The following LRP3 variants were observed in gnomAD, a reference collection of about 807,000 sequenced individuals.
LRP3 encodes the protein LDL receptor related protein 3.
In LRP3, 49 loss-of-function variants were observed where a neutral mutation model predicts 58.5. The observed-to-expected ratio is 0.84, with a 90% CI of 0.67 to 1.06. The LOEUF (loss-of-function observed/expected upper bound fraction) is 1.06, where lower values mean the gene tolerates loss of function less well. Among genes scored for constraint, LRP3 ranks in the 50% least tolerant of loss-of-function variants. The probability of loss-of-function intolerance (pLI) is 0.00; values close to 1 mark genes in which losing one functional copy is unlikely to be tolerated. For missense variants in LRP3, 1,019 were observed against 1,134.2 expected, an observed-to-expected ratio of 0.90 and a Z score of 1.46; for synonymous variants, 485 against 492.2, an observed-to-expected ratio of 0.99 and a Z score of 0.20.
chr19:33,208,747 TA>T lies in LRP3; in HGVS notation c.*1173del. The T allele has an allele frequency of 2.0e-6, 2 of 1,010,954 alleles. No individual in the cohort carries two copies. The highest frequency in any genetic ancestry group is 2.8e-6 in the Non-Finnish European group (2 of 707,674). The allele number at this position is 1,010,954 out of a possible 1,614,324, so 62.6% of individuals were successfully genotyped here. On this transcript the variant is annotated 3_prime_UTR_variant, in exon 7 of 7. Transcript: ENST00000253193. This position sits in a 1 kb window ranked among gnomAD's most constrained non-coding sequence, Gnocchi z 4.7. ...AAGACAGGAAACCCAGTCCACATTT[TA>T]GGGCTTCCTTAAACAGGCTTCTGAG... is the stretch of plus-strand genomic sequence containing the variant.
intron 3 of LRP3, 24 bp from the exon 4 acceptor site, chr19:33,204,614 T>C (rs1396713145): frequency 6.4e-7 from 1 of 1,558,578 alleles, no homozygotes; most frequent in East Asian, 2.2e-5. Context: ...GCCTCATGTC[T>C]GGGTCCTCTC....
In LRP3 at chr19:33,207,756, G is replaced by GC. The variant is rs1383027392; in HGVS notation, c.*181_*182insC. 3.3e-6 allele frequency: 2 copies of GC among 598,812 alleles called. No homozygotes were observed. Among genetic ancestry groups the GC allele is most frequent in the Admixed American group, 6.0e-5 (2 of 33,108 alleles). 37.1% of individuals were successfully genotyped at this position (598,812 alleles called of 1,614,324 possible). ...GGGAGCTGTGGGACTGAACGGCGGGGGGGAGAAGAGTGGAGTGGTGAGCCC... is the reference window on the plus strand; with the variant it reads ...GGGAGCTGTGGGACTGAACGGCGGGGCGGGAGAAGAGTGGAGTGGTGAGCCC... On this transcript the variant is annotated 3_prime_UTR_variant, in exon 7 of 7. Transcript: ENST00000253193.
intron 2 of LRP3, among the ~76,000 whole-genome samples, chr19:33,198,166 T>G (rs1974304922): frequency 6.6e-6 from 1 of 152,160 alleles, no homozygotes; most frequent in South Asian, 2.1e-4. Flanking sequence ...CTGGTGGGTG[T>G]GTCACCCCAA....
rs1974414155 is a variant in LRP3, at chr19:33,206,588, C to T, written c.1593-13C>T. On this transcript the variant is annotated splice_polypyrimidine_tract_variant and intron_variant, in intron 5 of 6. Transcript: ENST00000253193. ...GCAGCCCAGTCATGTCGCCCTCCGC[C>T]CACTGCTTCTAGGGCCTTCGAGACC... 8 of 1,605,848 alleles carry T rather than the reference C, an allele frequency of 5.0e-6. No homozygotes were observed. The East Asian group carries it at 1.3e-4, about 27-fold the overall frequency.
Position 33,207,663 on chromosome 19 carries a change from A to G in LRP3, c.*88A>G. ...CTACCCTGCCTCTGCGTCCTTTCTTATGGAGAGGCCCTCCGGGGACCCCAG... is the reference window on the plus strand; with the variant it reads ...CTACCCTGCCTCTGCGTCCTTTCTTGTGGAGAGGCCCTCCGGGGACCCCAG... On this transcript the variant is annotated 3_prime_UTR_variant, in exon 7 of 7. Transcript: ENST00000253193. The G allele has an allele frequency of 1.9e-6, 2 of 1,069,996 alleles. No homozygotes were observed. Among genetic ancestry groups the G allele is most frequent in the Non-Finnish European group, 2.8e-6 (2 of 724,408 alleles). 66.3% of individuals were successfully genotyped at this position (1,069,996 alleles called of 1,614,324 possible).
rs35841076 is a variant in LRP3, at chr19:33,207,751, G to GGGC, written c.*176_*177insGGC. 467 of 482,380 alleles carry GGGC rather than the reference G, an allele frequency of 9.7e-4. 2 individuals carry two copies. Among genetic ancestry groups the GGGC allele is most frequent in the Non-Finnish European group, 1.5e-3 (412 of 275,552 alleles). The allele number at this position is 482,380 out of a possible 1,614,324, so 29.9% of individuals were successfully genotyped here. ...TGGGCGGGAGCTGTGGGACTGAACGGCGGGGGGGAGAAGAGTGGAGTGGTG... is the reference window on the plus strand; with the variant it reads ...TGGGCGGGAGCTGTGGGACTGAACGGGGCCGGGGGGGAGAAGAGTGGAGTGGTG... On this transcript the variant is annotated 3_prime_UTR_variant, in exon 7 of 7. Coordinates refer to ENST00000253193, the MANE Select transcript of LRP3 (RefSeq NM_002333.4).
chr19:33,194,959 C>A, intron 1 of LRP3, 101 bp downstream of exon 1: 1 of 527,576 alleles, frequency 1.9e-6, no homozygotes, highest in Non-Finnish European at 2.6e-6. Flanking sequence ...CCCGAGCCCC[C>A]CACCGCGGTG....
Position 33,206,714 on chromosome 19 carries a change from C to G in LRP3, c.1706C>G (p.Pro569Arg). 6.5e-7 allele frequency: 1 copy of G among 1,533,356 alleles called. No homozygotes were observed. 95.0% of individuals were successfully genotyped at this position (1,533,356 alleles called of 1,614,324 possible). ...CTCATTCCACCCGTGGAGGACTTTC[C>G]TGTCTACAGTGCGTCCCAGGTGAGC... is the stretch of plus-strand genomic sequence containing the variant. ...QGLIPPVEDF[P>R]VYSASQASVL... is the part of the protein sequence containing the mutation. Residue 569 changes from proline to arginine, a missense_variant, in exon 6 of 7, where the codon CCT becomes CGT. Coordinates refer to ENST00000253193, the MANE Select transcript of LRP3 (RefSeq NM_002333.4).
At position 33,207,112 on chromosome 19, in the gene LRP3, C is replaced by T. The variant is rs11539586; in HGVS notation, c.1850C>T (p.Ala617Val). The change falls in exon 7 of 7, where the codon GCG becomes GTG. Residue 617 changes from alanine (A) to valine (V), a missense_variant. Around this residue, in one of 2 missense-constraint regions of LRP3, gnomAD observed 427 missense variants for 408.6 expected, o/e 1.04. Transcript: ENST00000253193. ...LWNRLFHRPR[A>V]PRGQIPLLTA... ...AACCGGCTCTTTCACCGGCCGCGGG[C>T]GCCCCGAGGCCAGATCCCACTGCTG... is the stretch of plus-strand genomic sequence containing the variant. 0.04 allele frequency: 60,833 copies of T among 1,525,480 alleles called. 1,499 individuals carry two copies. Among genetic ancestry groups the T allele is most frequent in the South Asian group, 0.094 (7,786 of 82,610 alleles). The allele number at this position is 1,525,480 out of a possible 1,614,324, so 94.5% of individuals were successfully genotyped here.
chr19:33,201,219 G>T (rs561116998), intron 2 of LRP3, among the ~76,000 whole-genome samples: 2 of 152,222 alleles, frequency 1.3e-5, no homozygotes, highest in Non-Finnish European at 2.9e-5. Flanking sequence ...GGCCGAGGCT[G>T]GGGGGAGGGA....
intron 1 of LRP3, 34 bp downstream of exon 1, chr19:33,194,892 TC>T: frequency 3.8e-6 from 4 of 1,061,978 alleles, no homozygotes; most frequent in Non-Finnish European, 3.5e-6. Flanking sequence ...CAGGTCCGGG[TC>T]CCCCGCATGG....
chr19:33,202,349 C>G (rs117804940), intron 2 of LRP3, among the ~76,000 whole-genome samples: 575 of 152,324 alleles, frequency 3.8e-3, no homozygotes, highest in Middle Eastern at 0.014. Flanking sequence ...TTATTCCCAC[C>G]TTACTCAGTG....
In LRP3 at chr19:33,207,617, C is replaced by A. The variant is rs1394304997; in HGVS notation, c.*42C>A. ...TGACCGCCACAGCCCCGCTTTGTAA[C>A]CAGGGAATACACAGTCATTTCTACC... On this transcript the variant is annotated 3_prime_UTR_variant, in exon 7 of 7. Coordinates refer to ENST00000253193, the MANE Select transcript of LRP3 (RefSeq NM_002333.4). 2.9e-6 allele frequency: 4 copies of A among 1,393,862 alleles called. No homozygotes were observed. In the South Asian group the frequency reaches 3.5e-5, roughly 12 times the overall value. 86.3% of individuals were successfully genotyped at this position (1,393,862 alleles called of 1,614,324 possible).
Position 33,206,319 on chromosome 19 carries a change from G to T in LRP3, c.1549G>T (p.Gly517Cys). 1 of 1,600,754 alleles carries T rather than the reference G, an allele frequency of 6.2e-7. No homozygotes were observed. ...VCGLLLVIAL[G>C]CAFKLYSLRT... ...TGGCCTGCTGCTGGTCATCGCGCTGGGCTGCGCCTTCAAGCTCTACTCACT... is the reference window on the plus strand; with the variant it reads ...TGGCCTGCTGCTGGTCATCGCGCTGTGCTGCGCCTTCAAGCTCTACTCACT... The change falls in exon 5 of 7, where the codon GGC (glycine) becomes TGC (cysteine). Residue 517 changes from glycine to cysteine, a missense_variant. Physicochemically the swap from Gly to Cys is radical, Grantham distance 159. Transcript: ENST00000253193.
chr19:33,196,122 A>T (rs1974282947), intron 1 of LRP3, among the ~76,000 whole-genome samples: 4 of 152,184 alleles, frequency 2.6e-5, no homozygotes, highest in African/African-American at 9.7e-5. Context: ...CCTCAAAGTC[A>T]GCTTGGCACG....
At chr19:33,196,807 C>T (rs1436963907) in intron 2 of LRP3, 30 bp downstream of exon 2, 3 of 1,609,196 alleles carry the variant, frequency 1.9e-6, no homozygotes, top group African/African-American at 1.3e-5. Context: ...CCTTCCTCCA[C>T]TCCTTCAGTC....
chr19:33,207,179 C>T lies in LRP3; in HGVS notation c.1917C>T (p.Phe639=), dbSNP rs1175520489. 6.5e-7 allele frequency: 1 copy of T among 1,549,866 alleles called. No individual in the cohort carries two copies. Among genetic ancestry groups the T allele is most frequent in the Admixed American group, 1.9e-5 (1 of 51,300 alleles). The stretch of plus-strand genomic sequence containing the variant: ...CACAGACCGTGCTGGGCGATGGCTT[C>T]CTCCAGCCTGCTCCAGGGGCTGCCC... ...RPSQTVLGDG[F]LQPAPGAAPD... Residue 639 remains phenylalanine (F), a synonymous_variant, in exon 7 of 7, where the codon TTC becomes TTT. Coordinates refer to ENST00000253193, the MANE Select transcript of LRP3 (RefSeq NM_002333.4).
intron 2 of LRP3, 106 bp downstream of exon 2, chr19:33,196,883 T>C: frequency 9.6e-7 from 1 of 1,043,134 alleles, no homozygotes; most frequent in Non-Finnish European, 1.5e-6. Flanking sequence ...AGTTCCTGTG[T>C]GCATCTTTTC....
chr19:33,206,912 G>A, intron 6 of LRP3, 76 bp from the exon 7 acceptor site: 1 of 1,240,382 alleles, frequency 8.1e-7, no homozygotes, highest in Non-Finnish European at 1.1e-6. Flanking sequence ...TTGGGGGTGT[G>A]CTGTCTCCTG....
Sources: gnomAD v4.1 joint callset for allele counts (sites outside exome capture counted in the v4.1 genomes callset) on GRCh38, gnomAD v4.1.1 for gene constraint, gnomAD v4.1.1 regional missense constraint, Gnocchi (gnomAD v3.1) non-coding constraint, MANE v1.5 for transcripts, NCBI Gene and HGNC (gene_info 2026-07-23, HGNC 2026-07-21) for gene names.